Variants in FAM117B observed in about 807,000 individuals in gnomAD.
The protein encoded by FAM117B is family with sequence similarity 117 member B, also known as protein FAM117B.
FAM117B carries 22 observed loss-of-function variants against 52.8 expected under a neutral mutation model. The observed-to-expected ratio is 0.42, with a 90% CI of 0.30 to 0.59. The LOEUF (loss-of-function observed/expected upper bound fraction) is 0.59, where lower values mean the gene tolerates loss of function less well. FAM117B is among the 20% of genes least tolerant of loss of function. FAM117B has a pLI of 0.22. For synonymous variants in FAM117B, 309 were observed against 324.1 expected, an observed-to-expected ratio of 0.95 and a Z score of 0.50; for missense variants, 678 against 802.6, an observed-to-expected ratio of 0.84 and a Z score of 1.88.
intron 1 of FAM117B, among the ~76,000 whole-genome samples, chr2:202,660,415 G>A (rs141811270): frequency 1.3e-5 from 2 of 152,094 alleles, no homozygotes; most frequent in Non-Finnish European, 2.9e-5. Flanking sequence ...AGTCTTTGCA[G>A]TACTATTTGG....
chr2:202,706,618 G>T (rs1047224131), intron 2 of FAM117B, among the ~76,000 whole-genome samples: 7 of 152,154 alleles, frequency 4.6e-5, no homozygotes, highest in African/African-American at 7.2e-5. Flanking sequence ...TGAATTGAAA[G>T]AATAGTCTGT....
chr2:202,637,235 A>G (rs1277033649), intron 1 of FAM117B, among the ~76,000 whole-genome samples: 1 of 151,634 alleles, frequency 6.6e-6, no homozygotes, highest in Non-Finnish European at 1.5e-5. Flanking sequence ...GCACTGTTTT[A>G]TTTATGTATT....
In FAM117B at chr2:202,765,946, A is replaced by T; in HGVS notation, c.*182A>T. ...GGCTCTGCCCCACTTGTGAACGCCA[A>T]CCCTCAGTGCTTAGCCTGCTTTTTA... is the stretch of plus-strand genomic sequence containing the variant. On this transcript the variant is annotated 3_prime_UTR_variant, in exon 8 of 8. Transcript: ENST00000392238. 1.6e-6 allele frequency: 1 copy of T among 619,958 alleles called. No individual in the cohort carries two copies. Among genetic ancestry groups the T allele is most frequent in the Non-Finnish European group, 2.8e-6 (1 of 357,798 alleles). The allele number at this position is 619,958 out of a possible 1,614,324, so 38.4% of individuals were successfully genotyped here.
At chr2:202,742,303 T>C (rs1459554913) in intron 4 of FAM117B, among the ~76,000 whole-genome samples, 1 of 152,214 alleles carries the variant, frequency 6.6e-6, no homozygotes, top group Admixed American at 6.5e-5. Flanking sequence ...AAACATACTA[T>C]AAAGCCTTTA....
chr2:202,711,445 A>G (rs2044339339), intron 2 of FAM117B, among the ~76,000 whole-genome samples: 1 of 152,068 alleles, frequency 6.6e-6, no homozygotes, highest in African/African-American at 2.4e-5. Flanking sequence ...TTGGCCATTA[A>G]TCCCTTGTTG....
intron 4 of FAM117B, among the ~76,000 whole-genome samples, chr2:202,731,332 A>AATATATATATATATATATATATAT (rs35255766): frequency 9.7e-5 from 3 of 30,770 alleles, no homozygotes; most frequent in Non-Finnish European, 3.1e-4. Flanking sequence ...GAGAAATTGG[A>AATATATATATATATATATATATAT]ATATATATAT....
chr2:202,689,654 AC>A (rs1278136581), intron 1 of FAM117B, among the ~76,000 whole-genome samples: 3 of 152,106 alleles, frequency 2.0e-5, no homozygotes, highest in East Asian at 3.9e-4. Context: ...ACAGTGACTC[AC>A]GCCTGTAATC....
intron 2 of FAM117B, among the ~76,000 whole-genome samples, chr2:202,713,840 G>T (rs759183887): frequency 6.6e-5 from 10 of 152,112 alleles, no homozygotes; most frequent in Non-Finnish European, 8.8e-5. Flanking sequence ...CCAAGTAGCT[G>T]GGATTTCAGG....
intron 4 of FAM117B, among the ~76,000 whole-genome samples, chr2:202,729,755 T>C (rs1365921276): frequency 1.3e-5 from 2 of 152,166 alleles, no homozygotes; most frequent in African/African-American, 4.8e-5. Context: ...GAAAAAGTCA[T>C]GTCCCCAGAT....
At chr2:202,685,751 C>T (rs13398238) in intron 1 of FAM117B, among the ~76,000 whole-genome samples, 12,383 of 152,026 alleles carry the variant, frequency 0.081, 1,680 homozygotes, top group African/African-American at 0.28. Flanking sequence ...GGGGATAATC[C>T]CTTTCCTTAA....
At chr2:202,735,832 G>A (rs1158170027) in intron 4 of FAM117B, among the ~76,000 whole-genome samples, 2 of 152,016 alleles carry the variant, frequency 1.3e-5, no homozygotes, top group East Asian at 1.9e-4. Flanking sequence ...TGTGCACAAC[G>A]TGCAGGTTTG....
rs562528502 is a variant in FAM117B, at chr2:202,724,537, G to A, written c.754-380G>A. Among the ~76,000 whole-genome samples the A allele has an allele frequency of 5.3e-5, 8 of 152,288 alleles. No individual in the cohort carries two copies. In the South Asian group the frequency reaches 1.5e-3, roughly 28 times the overall value. ...CAGTGCCTAGCACATAAGAGCACAA[G>A]AATGTTAGCTATTATTAGTGTGCCT... On this transcript the variant is annotated intron_variant, in intron 2 of 7. Coordinates refer to ENST00000392238, the MANE Select transcript of FAM117B (RefSeq NM_173511.4).
At chr2:202,719,484 G>A (rs937706163) in intron 2 of FAM117B, among the ~76,000 whole-genome samples, 1 of 152,076 alleles carries the variant, frequency 6.6e-6, no homozygotes. Flanking sequence ...AGTAACATTT[G>A]CCACATTTTG....
rs1013054980 is a variant in FAM117B, at chr2:202,700,189, TCAATC to T, written c.753+4158_753+4162del. Among the ~76,000 whole-genome samples, 29 of 152,202 alleles carry T rather than the reference TCAATC, an allele frequency of 1.9e-4. 1 individual carries two copies. Among genetic ancestry groups the T allele is most frequent in the Admixed American group, 1.8e-3 (27 of 15,278 alleles). On this transcript the variant is annotated intron_variant, in intron 2 of 7. Coordinates refer to ENST00000392238, the MANE Select transcript of FAM117B (RefSeq NM_173511.4). ...GTGAAGAGTTACATGTCTCTCTATT[TCAATC>T]AAAAGCTAGACATGATTGAGCTTAG... is the stretch of plus-strand genomic sequence containing the variant.
rs1322329426 is a variant in FAM117B at position 202,724,996 on chromosome 2, A to C, written c.833A>C (p.Asp278Ala). The change falls in exon 3 of 8, where the codon GAT becomes GCT. Residue 278 changes from aspartate (D) to alanine (A), a missense_variant. By Grantham distance (126) the Asp-to-Ala change is moderately radical. Around this residue, in one of 3 missense-constraint regions of FAM117B, gnomAD observed 583 missense variants for 644.8 expected, o/e 0.90. Transcript: ENST00000392238. ...HKRSASWGST[D>A]QLKEIAKLRQ... is the part of the protein sequence containing the mutation. ...CGCTCAGCATCTTGGGGCAGTACAG[A>C]TCAACTTAAGGAGGTCAGAAAAATG... 6.2e-7 allele frequency: 1 copy of C among 1,611,356 alleles called. No individual in the cohort carries two copies. Among genetic ancestry groups the C allele is most frequent in the Non-Finnish European group, 8.5e-7 (1 of 1,178,294 alleles).
intron 4 of FAM117B, among the ~76,000 whole-genome samples, chr2:202,728,986 C>A (rs985295240): frequency 6.6e-6 from 1 of 152,166 alleles, no homozygotes; most frequent in African/African-American, 2.4e-5. Flanking sequence ...TATCAGCCAA[C>A]CGCAAGTCAG....
In FAM117B at chr2:202,695,900, T is replaced by A. The variant is rs544907687; in HGVS notation, c.621T>A (p.Pro207=). 4 of 1,606,046 alleles carry A rather than the reference T, an allele frequency of 2.5e-6. No homozygotes were observed. Among genetic ancestry groups the A allele is most frequent in the Non-Finnish European group, 3.4e-6 (4 of 1,176,118 alleles). The change falls in exon 2 of 8, where the codon CCT becomes CCA. Residue 207 remains proline (P), a synonymous_variant. Transcript: ENST00000392238. ...VCKAGDKTRQ[P]SSSPSSIIRR... The stretch of plus-strand genomic sequence containing the variant: ...ATCTAGGTGACAAAACACGACAGCC[T>A]TCTTCAAGCCCCTCCAGTATTATCC...
At chr2:202,696,322 C>T (rs985704282) in intron 2 of FAM117B, among the ~76,000 whole-genome samples, 2 of 151,990 alleles carry the variant, frequency 1.3e-5, no homozygotes, top group African/African-American at 4.8e-5. Flanking sequence ...TAGTTTACAA[C>T]AGGGGTGTCC....
chr2:202,762,688 C>T (rs544216606), intron 7 of FAM117B, among the ~76,000 whole-genome samples: 2 of 151,478 alleles, frequency 1.3e-5, no homozygotes, highest in Admixed American at 1.3e-4. Flanking sequence ...GGTCACATAT[C>T]CTGTGGTGGG....
Sources: allele counts gnomAD v4.1 joint callset (sites outside exome capture counted in the v4.1 genomes callset), GRCh38; gene constraint gnomAD v4.1.1; regional missense constraint gnomAD v4.1.1; transcripts MANE v1.5; gene names NCBI Gene and HGNC (gene_info 2026-07-23, HGNC 2026-07-21).